NHSL1: variants seen among roughly 807,000 people sequenced by gnomAD.
The protein encoded by NHSL1 is NHS-like protein 1.
Under a neutral mutation model 95.0 loss-of-function variants are expected in NHSL1, and 48 were observed. The ratio of observed to expected loss-of-function variants is 0.51; its 90% CI spans 0.40 to 0.64. NHSL1 has a LOEUF of 0.64. Ranked by LOEUF, NHSL1 falls within the 30% of genes least tolerant of loss-of-function variation. The pLI, the probability that NHSL1 is intolerant of heterozygous loss-of-function variation, is 0.00. For missense variants in NHSL1, 1,971 were observed against 2,077.7 expected (o/e 0.95, Z 1.00); for synonymous variants, 783 against 833.9 (o/e 0.94, Z 1.05).
At chr6:138,573,056 T>C (rs1783898843), upstream of NHSL1, among the ~76,000 whole-genome samples, 1 of 152,060 alleles carries the variant, frequency 6.6e-6, no homozygotes, top group African/African-American at 2.4e-5. Context: ...GCAGCCAGAG[T>C]GTGGGGCTGG....
At chr6:138,592,137 G>C (rs1276073846) in intron 1 of NHSL1, among the ~76,000 whole-genome samples, 1 of 152,024 alleles carries the variant, frequency 6.6e-6, no homozygotes, top group Non-Finnish European at 1.5e-5. Flanking sequence ...ACAGTTTCCT[G>C]CTCCCCAAAA....
intron 1 of NHSL1, among the ~76,000 whole-genome samples, chr6:138,514,705 C>G (rs571346498): frequency 1.3e-5 from 2 of 152,194 alleles, no homozygotes; most frequent in South Asian, 4.2e-4. Context: ...ATGGCTTGAG[C>G]CTAGGAGTTC....
chr6:138,476,693 T>C (rs952242082), intron 2 of NHSL1, among the ~76,000 whole-genome samples: 2 of 151,888 alleles, frequency 1.3e-5, no homozygotes, highest in Admixed American at 6.6e-5. Context: ...CCGGGTATAG[T>C]GGTGGGTACC....
At chr6:138,552,281 T>G (rs946657641) in intron 1 of NHSL1, among the ~76,000 whole-genome samples, 3 of 152,006 alleles carry the variant, frequency 2.0e-5, no homozygotes, top group Non-Finnish European at 2.9e-5. Context: ...TAGCTGGGCA[T>G]AGTGGTGCAC....
intron 1 of NHSL1, among the ~76,000 whole-genome samples, chr6:138,653,343 C>G (rs997244188): frequency 3.4e-4 from 51 of 152,094 alleles, no homozygotes; most frequent in Admixed American, 3.9e-4. Flanking sequence ...ATCACGAGGT[C>G]AAGGGATCAA....
At chr6:138,499,527 C>T, upstream of NHSL1, 2 of 837,842 alleles carry the variant, frequency 2.4e-6, no homozygotes, top group Admixed American at 7.4e-5. Context: ...ATCTTTAAGG[C>T]TGAGAGCAGC....
chr6:138,635,811 T>G (rs894550536), intron 1 of NHSL1, among the ~76,000 whole-genome samples: 2 of 152,010 alleles, frequency 1.3e-5, no homozygotes, highest in Non-Finnish European at 1.5e-5. Context: ...ACTAGCAAAC[T>G]GACCTCAACA....
At chr6:138,679,016 T>A (rs999017536) in intron 1 of NHSL1, among the ~76,000 whole-genome samples, 2 of 152,186 alleles carry the variant, frequency 1.3e-5, no homozygotes, top group African/African-American at 4.8e-5. Context: ...AATTCTTTTA[T>A]AAGCTAAGTT....
At chr6:138,488,829 G>T (rs746934336) in intron 2 of NHSL1, among the ~76,000 whole-genome samples, 1 of 152,218 alleles carries the variant, frequency 6.6e-6, no homozygotes, top group African/African-American at 2.4e-5. Context: ...TTCAGTGCTT[G>T]TGAGGTCTGA....
At chr6:138,598,395 T>C (rs960555413) in intron 1 of NHSL1, among the ~76,000 whole-genome samples, 1 of 151,794 alleles carries the variant, frequency 6.6e-6, no homozygotes, top group African/African-American at 2.4e-5. Context: ...GAGGCGGCAG[T>C]TGCAGTGAGT....
chr6:138,629,029 C>T (rs1168507485), intron 1 of NHSL1, among the ~76,000 whole-genome samples: 1 of 152,216 alleles, frequency 6.6e-6, no homozygotes. Flanking sequence ...CATTCCACGC[C>T]AGCCTCTGAG....
chr6:138,437,413 TACACACACAC>T (rs71546236), intron 5 of NHSL1, among the ~76,000 whole-genome samples: 12 of 47,906 alleles, frequency 2.5e-4, no homozygotes, highest in African/African-American at 5.7e-4. Flanking sequence ...TACACACATA[TACACACACAC>T]ACACACACAC....
At chr6:138,673,229 T>A (rs571615382) in intron 1 of NHSL1, among the ~76,000 whole-genome samples, 1 of 152,012 alleles carries the variant, frequency 6.6e-6, no homozygotes, top group African/African-American at 2.4e-5. Context: ...TACTCACTTT[T>A]AGCTATTCAT....
intron 1 of NHSL1, among the ~76,000 whole-genome samples, chr6:138,592,930 C>A (rs1784252426): frequency 6.6e-6 from 1 of 152,140 alleles, no homozygotes; most frequent in Middle Eastern, 3.2e-3. Context: ...AGTCAGTTGC[C>A]CACAGCCTTA....
chr6:138,655,980 C>A (rs1188223157), intron 1 of NHSL1, among the ~76,000 whole-genome samples: 2 of 152,272 alleles, frequency 1.3e-5, no homozygotes, highest in Middle Eastern at 3.4e-3. Context: ...AGCTTACCTC[C>A]CCCAAAAAAC....
intron 1 of NHSL1, among the ~76,000 whole-genome samples, chr6:138,660,535 C>T (rs939566529): frequency 6.6e-6 from 1 of 151,726 alleles, no homozygotes; most frequent in South Asian, 2.1e-4. Context: ...ATACCACCAC[C>T]AAGGCTGAGG....
chr6:138,646,224 C>A (rs1446908893), intron 1 of NHSL1, among the ~76,000 whole-genome samples: 1 of 152,170 alleles, frequency 6.6e-6, no homozygotes, highest in African/African-American at 2.4e-5. Context: ...CCACATAAAT[C>A]CCTTGTTATA....
At chr6:138,617,487 A>G (rs1257103950) in intron 1 of NHSL1, among the ~76,000 whole-genome samples, 1 of 152,184 alleles carries the variant, frequency 6.6e-6, no homozygotes, top group African/African-American at 2.4e-5. Context: ...GGCATCAAGT[A>G]CACTTTCATT....
intron 1 of NHSL1, among the ~76,000 whole-genome samples, chr6:138,656,479 A>G (rs563318690): frequency 1.3e-5 from 2 of 152,202 alleles, no homozygotes; most frequent in Non-Finnish European, 2.9e-5. Flanking sequence ...TACAGTCAGC[A>G]TGGAAATCCA....
Sources: gnomAD v4.1 joint callset for allele counts (sites outside exome capture counted in the v4.1 genomes callset) on GRCh38, gnomAD v4.1.1 for gene constraint, MANE v1.5 for transcripts, NCBI Gene and HGNC (gene_info 2026-07-23, HGNC 2026-07-21) for gene names.